CFAP210: variants seen among roughly 807,000 people sequenced by gnomAD.
CFAP210 encodes the protein cilia and flagella associated protein 210, also known as cilia- and flagella- associated protein 210.
At chr2:169,688,943 C>T in the CFAP210 span, among the ~76,000 whole-genome samples, 2 of 152,142 alleles carry the variant, frequency 1.3e-5, no homozygotes, top group African/African-American at 2.4e-5. Context: ...AAAGACATAC[C>T]TAAGACTGGG....
the CFAP210 span, among the ~76,000 whole-genome samples, chr2:169,667,066 T>G: frequency 6.6e-6 from 1 of 152,128 alleles, no homozygotes; most frequent in East Asian, 1.9e-4. Context: ...CCATGAAGTT[T>G]GGAATCAACT....
the CFAP210 span, chr2:169,648,162 CAAAAAAAAAAAAAAAAA>C: frequency 1.1e-3 from 107 of 101,682 alleles, no homozygotes; most frequent in Middle Eastern, 2.3e-3. Context: ...AACTCTGTCT[CAAAAAAAAAAAAAAAAA>C]AAAAAAAAAA....
At chr2:169,653,637 G>A in the CFAP210 span, among the ~76,000 whole-genome samples, 1 of 152,040 alleles carries the variant, frequency 6.6e-6, no homozygotes, top group African/African-American at 2.4e-5. Flanking sequence ...ACTGATGACT[G>A]CTCCCTTCTT....
At chr2:169,669,090 T>C in the CFAP210 span, among the ~76,000 whole-genome samples, 1,433 of 152,112 alleles carry the variant, frequency 9.4e-3, 29 homozygotes, top group African/African-American at 0.032. Context: ...AAAAGAGTAA[T>C]AATTGAGGTA....
chr2:169,654,219 G>A, the CFAP210 span: 1 of 1,558,584 alleles, frequency 6.4e-7, no homozygotes, highest in Non-Finnish European at 8.7e-7. Context: ...ATGTTCCTTG[G>A]GGGAAAAATT....
At chr2:169,684,806 C>A in the CFAP210 span, among the ~76,000 whole-genome samples, 5 of 152,236 alleles carry the variant, frequency 3.3e-5, no homozygotes, top group African/African-American at 1.2e-4. Context: ...TCATGCACCA[C>A]CATGCCCAGC....
At chr2:169,694,382 C>T in the CFAP210 span, 381 of 1,564,498 alleles carry the variant, frequency 2.4e-4, no homozygotes, top group Middle Eastern at 1.0e-3. Flanking sequence ...GGACGCCAGC[C>T]GGTGGAGTTG....
chr2:169,649,409 A>C, the CFAP210 span: 1 of 1,444,750 alleles, frequency 6.9e-7, no homozygotes, highest in Non-Finnish European at 9.5e-7. Flanking sequence ...TTGTCTGAAA[A>C]GGCACAGAGT....
At chr2:169,653,047 T>TAA in the CFAP210 span, among the ~76,000 whole-genome samples, 2 of 83,514 alleles carry the variant, frequency 2.4e-5, no homozygotes, top group South Asian at 1.2e-3. Context: ...TATATATATA[T>TAA]ATATATATAT....
At chr2:169,690,342 T>G in the CFAP210 span, among the ~76,000 whole-genome samples, 1 of 152,352 alleles carries the variant, frequency 6.6e-6, no homozygotes, top group South Asian at 2.1e-4. Context: ...GGATTTATGT[T>G]AATATTTCAT....
At chr2:169,694,216 G>A in the CFAP210 span, 3 of 1,583,996 alleles carry the variant, frequency 1.9e-6, no homozygotes, top group Non-Finnish European at 2.6e-6. Flanking sequence ...CCATGCCGGG[G>A]GTCCAGAAAC....
the CFAP210 span, among the ~76,000 whole-genome samples, chr2:169,677,946 A>G: frequency 5.8e-4 from 88 of 152,308 alleles, no homozygotes; most frequent in Middle Eastern, 0.017. Context: ...TTTTAAAAAT[A>G]CCATTTACCA....
At chr2:169,655,061 A>G in the CFAP210 span, among the ~76,000 whole-genome samples, 1 of 152,358 alleles carries the variant, frequency 6.6e-6, no homozygotes, top group Non-Finnish European at 1.5e-5. Context: ...TCATATTAGC[A>G]TATGTTCTAT....
At chr2:169,684,067 T>C in the CFAP210 span, among the ~76,000 whole-genome samples, 2 of 152,126 alleles carry the variant, frequency 1.3e-5, no homozygotes, top group Non-Finnish European at 2.9e-5. Context: ...CTTCCAAGAT[T>C]CCTACCCCAC....
At chr2:169,673,667 G>A in the CFAP210 span, among the ~76,000 whole-genome samples, 1 of 152,116 alleles carries the variant, frequency 6.6e-6, no homozygotes, top group Non-Finnish European at 1.5e-5. Flanking sequence ...TTTATAAAAT[G>A]TGAGTATATA....
chr2:169,670,144 T>C, the CFAP210 span, among the ~76,000 whole-genome samples: 2 of 152,188 alleles, frequency 1.3e-5, no homozygotes, highest in South Asian at 2.1e-4. Flanking sequence ...TATGTGTCTG[T>C]TCCTAGAGGA....
the CFAP210 span, among the ~76,000 whole-genome samples, chr2:169,690,963 G>C: frequency 1.4e-3 from 216 of 152,122 alleles, no homozygotes; most frequent in Non-Finnish European, 2.2e-3. Context: ...AAAGCTTTTG[G>C]CCATTAATTC....
chr2:169,653,362 T>C, the CFAP210 span, among the ~76,000 whole-genome samples: 7 of 151,724 alleles, frequency 4.6e-5, no homozygotes, highest in South Asian at 1.5e-3. Flanking sequence ...GGGATAAGGC[T>C]GGGAGGGATG....
chr2:169,657,107 A>G, the CFAP210 span, among the ~76,000 whole-genome samples: 3 of 151,870 alleles, frequency 2.0e-5, no homozygotes, highest in Admixed American at 1.3e-4. Context: ...TGGGTTTTCT[A>G]TCACATGCAT....
Sources: allele counts gnomAD v4.1 joint callset (sites outside exome capture counted in the v4.1 genomes callset), GRCh38; gene constraint gnomAD v4.1.1; transcripts MANE v1.5; gene names NCBI Gene and HGNC (gene_info 2026-07-23, HGNC 2026-07-21).